The following HHIPL1 variants were observed in gnomAD, a reference collection of about 807,000 sequenced individuals.
The protein encoded by HHIPL1 is HHIP like 1, also known as HHIP-like protein 1.
A neutral mutation model predicts 61.8 loss-of-function variants in HHIPL1; 43 were observed. That is an observed-to-expected ratio of 0.70 (90% confidence interval 0.55 to 0.90). The LOEUF (loss-of-function observed/expected upper bound fraction) is 0.90. Among genes scored for constraint, HHIPL1 ranks in the 40% least tolerant of loss-of-function variants. The pLI is 0.00. For missense variants in HHIPL1, 1,056 were observed against 1,157.7 expected (o/e 0.91, Z 1.28); for synonymous variants, 482 against 515.8 (o/e 0.93, Z 0.89).
chr14:99,662,529 T>C (rs1044720642), intron 5 of HHIPL1, among the ~76,000 whole-genome samples: 3 of 152,082 alleles, frequency 2.0e-5, no homozygotes, highest in Admixed American at 6.5e-5. Flanking sequence ...TGGGTGAAGA[T>C]TGCACACAGT....
chr14:99,644,596 T>C (rs1391911355), upstream of HHIPL1, among the ~76,000 whole-genome samples: 3 of 152,062 alleles, frequency 2.0e-5, no homozygotes, highest in African/African-American at 7.2e-5. Flanking sequence ...CAGTGGGTCC[T>C]GGGCTGCAGG....
At position 99,659,438 on chromosome 14, in the gene HHIPL1, C is replaced by T; in HGVS notation, c.1057C>T (p.Leu353=). The T allele has an allele frequency of 1.4e-6, 2 of 1,462,742 alleles. No homozygotes were observed. Among genetic ancestry groups the T allele is most frequent in the Non-Finnish European group, 1.8e-6 (2 of 1,108,848 alleles). 90.6% of individuals were successfully genotyped at this position (1,462,742 alleles called of 1,614,324 possible). A position where few individuals can be genotyped will look rare whatever the true frequency, so the allele number is the denominator to read the frequency against. The part of the protein sequence containing the change: ...FGNAQNKSAL[L]GKVLRIDVDR... ...CCACCCCGCCCGCAGGTCGGCGCTG[C>T]TGGGCAAGGTGCTGCGCATCGACGT... Residue 353 remains leucine, a synonymous_variant, in exon 4 of 9, where the codon CTG becomes TTG. Transcript: ENST00000330710.
At position 99,668,847 on chromosome 14, in the gene HHIPL1, C is replaced by A; in HGVS notation, c.1730+544C>A. Reference sequence around the variant, plus strand: ...TCCCTTCTAGCTGTAAGGCCAGAAGCGCCATGCCCGGCTATGTCCCAGCTC... The same window carrying A: ...TCCCTTCTAGCTGTAAGGCCAGAAGAGCCATGCCCGGCTATGTCCCAGCTC... On this transcript the variant is annotated intron_variant, in intron 7 of 8. Transcript: ENST00000330710. This position sits in a 1 kb window ranked among gnomAD's most constrained non-coding sequence, Gnocchi z 4.7. 6.2e-7 allele frequency: 1 copy of A among 1,613,908 alleles called. No individual in the cohort carries two copies. The highest frequency in any genetic ancestry group is 8.5e-7 in the Non-Finnish European group (1 of 1,180,014).
chr14:99,607,003 A>T, the HHIPL1 span, among the ~76,000 whole-genome samples: 1 of 144,208 alleles, frequency 6.9e-6, no homozygotes, highest in Non-Finnish European at 1.5e-5. Flanking sequence ...GGATCCCAAA[A>T]TGTCAACGTG....
the HHIPL1 span, among the ~76,000 whole-genome samples, chr14:99,637,035 GAA>G: frequency 3.0e-5 from 3 of 100,966 alleles, no homozygotes; most frequent in Non-Finnish European, 3.9e-5. Context: ...AAGAAAGAAA[GAA>G]AGAAAGAAAG....
the HHIPL1 span, among the ~76,000 whole-genome samples, chr14:99,620,883 G>A: frequency 3.9e-5 from 6 of 152,194 alleles, no homozygotes; most frequent in African/African-American, 1.2e-4. Flanking sequence ...GGCCGGCCCC[G>A]CCACTGCCAC....
rs796322336 is a variant in HHIPL1 at position 99,660,222 on chromosome 14, G to A, written c.1376-58G>A. ...CGCGGAATCCCTCCGGAATTCTCCTGGCTGATGAACCTTCCCGCCGCTGGC... is the reference window on the plus strand; with the variant it reads ...CGCGGAATCCCTCCGGAATTCTCCTAGCTGATGAACCTTCCCGCCGCTGGC... On this transcript the variant is annotated intron_variant, in intron 4 of 8. Transcript: ENST00000330710. The surrounding 1 kb of genome is among the most constrained non-coding windows in gnomAD (Gnocchi z 4.9). 5.4e-5 allele frequency: 86 copies of A among 1,607,256 alleles called. 1 individual carries two copies. In the African/African-American group the frequency reaches 1.0e-3, roughly 19 times the overall value.
rs769035637 is a variant in HHIPL1 at position 99,659,439 on chromosome 14, T to G, written c.1058T>G (p.Leu353Arg). The change falls in exon 4 of 9, where the codon CTG (leucine) becomes CGG (arginine). Residue 353 changes from leucine to arginine, a missense_variant. Coordinates refer to ENST00000330710, the MANE Select transcript of HHIPL1 (RefSeq NM_001127258.3). ...CACCCCGCCCGCAGGTCGGCGCTGC[T>G]GGGCAAGGTGCTGCGCATCGACGTG... ...FGNAQNKSAL[L>R]GKVLRIDVDR... The G allele has an allele frequency of 1.0e-5, 15 of 1,464,074 alleles. No individual in the cohort carries two copies. The South Asian group carries it at 1.7e-4, about 17-fold the overall frequency. The allele number at this position is 1,464,074 out of a possible 1,614,324, so 90.7% of individuals were successfully genotyped here.
chr14:99,664,841 G>C (rs753281793), intron 6 of HHIPL1, among the ~76,000 whole-genome samples: 4 of 151,974 alleles, frequency 2.6e-5, no homozygotes, highest in Non-Finnish European at 5.9e-5. Context: ...AATGCATCCT[G>C]TCACAATGAC....
chr14:99,610,636 C>T, the HHIPL1 span, among the ~76,000 whole-genome samples: 1 of 152,138 alleles, frequency 6.6e-6, no homozygotes, highest in South Asian at 2.1e-4. Flanking sequence ...TGGCAGGTGC[C>T]TGTAATCCTA....
chr14:99,609,472 C>A, the HHIPL1 span, among the ~76,000 whole-genome samples: 1 of 152,256 alleles, frequency 6.6e-6, no homozygotes, highest in Admixed American at 6.5e-5. Flanking sequence ...TTGCCCCTGG[C>A]AGACTGGGCT....
At chr14:99,666,717 C>T (rs868519494) in intron 6 of HHIPL1, among the ~76,000 whole-genome samples, 108 of 152,294 alleles carry the variant, frequency 7.1e-4, no homozygotes, top group African/African-American at 2.5e-3. Flanking sequence ...AGGGCTGTGC[C>T]CATGGACTTC....
chr14:99,662,494 G>A (rs1396408835), intron 5 of HHIPL1, among the ~76,000 whole-genome samples: 7 of 152,298 alleles, frequency 4.6e-5, no homozygotes, highest in East Asian at 1.9e-4. Flanking sequence ...GGTCTTGTTC[G>A]TTCCTGTGGG....
Position 99,660,850 on chromosome 14 carries a change from C to A in HHIPL1, c.1502+444C>A, listed in dbSNP as rs1595161153. ...GGGCCTGGAGCCCTGCCCCACCCCA[C>A]CCCAGCCAGGACTGCAGGGAGCTTG... On this transcript the variant is annotated intron_variant, in intron 5 of 8. Coordinates refer to ENST00000330710, the MANE Select transcript of HHIPL1 (RefSeq NM_001127258.3). This position sits in a 1 kb window ranked among gnomAD's most constrained non-coding sequence, Gnocchi z 4.9. 6.6e-6 allele frequency among the ~76,000 whole-genome samples: 1 copy of A among 152,292 alleles called. No homozygotes were observed. Among genetic ancestry groups the A allele is most frequent in the Admixed American group, 6.5e-5 (1 of 15,306 alleles).
In HHIPL1 at chr14:99,668,169, C is replaced by T. The variant is rs1283346423; in HGVS notation, c.1649-53C>T. 2.7e-6 allele frequency: 3 copies of T among 1,117,406 alleles called. No homozygotes were observed. Among genetic ancestry groups the T allele is most frequent in the Non-Finnish European group, 1.4e-6 (1 of 727,774 alleles). 69.2% of individuals were successfully genotyped at this position (1,117,406 alleles called of 1,614,324 possible). On this transcript the variant is annotated intron_variant, in intron 6 of 8. Transcript: ENST00000330710. This position sits in a 1 kb window ranked among gnomAD's most constrained non-coding sequence, Gnocchi z 4.7. ...GAGCCGGGTGGTGAGGCGGGGCTGGCTGGGACGGTATTCCAGGTGGGGGTC... is the reference window on the plus strand; with the variant it reads ...GAGCCGGGTGGTGAGGCGGGGCTGGTTGGGACGGTATTCCAGGTGGGGGTC...
rs2055806952 is a variant in HHIPL1, at chr14:99,645,142, C to G, written c.-66C>G. 2.4e-6 allele frequency: 3 copies of G among 1,235,918 alleles called. No individual in the cohort carries two copies. In the African/African-American group the frequency reaches 4.7e-5, roughly 19 times the overall value. 76.6% of individuals were successfully genotyped at this position (1,235,918 alleles called of 1,614,324 possible). On this transcript the variant is annotated 5_prime_UTR_variant, in exon 1 of 9. Transcript: ENST00000330710. Reference sequence around the variant, plus strand: ...GGGAGCGCCCGCCCCTTCCCTGCCGCCGCGAGCGCCCCGGGAGGGGACCGG... The same window carrying G: ...GGGAGCGCCCGCCCCTTCCCTGCCGGCGCGAGCGCCCCGGGAGGGGACCGG...
At chr14:99,641,831 T>C (rs901135804), upstream of HHIPL1, among the ~76,000 whole-genome samples, 1 of 152,222 alleles carries the variant, frequency 6.6e-6, no homozygotes, top group African/African-American at 2.4e-5. Flanking sequence ...GTCTGCAGTT[T>C]GCATAGGATA....
At position 99,652,256 on chromosome 14, in the gene HHIPL1, C is replaced by T. The variant is rs142575301; in HGVS notation, c.288C>T (p.Asp96=). 2.8e-5 allele frequency: 45 copies of T among 1,610,360 alleles called. No homozygotes were observed. Among genetic ancestry groups the T allele is most frequent in the Non-Finnish European group, 3.4e-5 (40 of 1,177,900 alleles). Residue 96 remains aspartate (D), a synonymous_variant, in exon 2 of 9, where the codon GAC becomes GAT. Transcript: ENST00000330710. ...ECSPYAAHLY[D]AEDPFTPLRT... ...CGCCGTATGCAGCCCACCTCTATGA[C>T]GCCGAGGACCCATTCACGCCCCTGC...
At chr14:99,628,843 T>C in the HHIPL1 span, among the ~76,000 whole-genome samples, 147 of 152,264 alleles carry the variant, frequency 9.7e-4, no homozygotes, top group South Asian at 5.8e-3. Context: ...GAGCTAGCCA[T>C]ACCTGCTCTG....
Sources: allele counts gnomAD v4.1 joint callset (sites outside exome capture counted in the v4.1 genomes callset), GRCh38; gene constraint gnomAD v4.1.1; non-coding constraint Gnocchi (gnomAD v3.1); transcripts MANE v1.5; gene names NCBI Gene and HGNC (gene_info 2026-07-23, HGNC 2026-07-21).